B4GALT5: variants seen among roughly 807,000 people sequenced by gnomAD.
B4GALT5 encodes beta-1,4-galactosyltransferase 5, also known as UDP-Gal:beta-GlcNAc beta-1,4-galactosyltransferase 5.
B4GALT5 carries 11 observed loss-of-function variants against 45.0 expected under a neutral mutation model. The ratio of observed to expected loss-of-function variants is 0.24; its 90% CI spans 0.15 to 0.40. The LOEUF is 0.40. Ranked by LOEUF, B4GALT5 falls within the 10% of genes least tolerant of loss-of-function variation. The probability of loss-of-function intolerance (pLI) is 1.00; values close to 1 mark genes in which losing one functional copy is unlikely to be tolerated. For synonymous variants in B4GALT5, 185 were observed against 182.9 expected (o/e 1.01, Z -0.09); for missense variants, 337 against 500.2 (o/e 0.67, Z 3.11).
chr20:49,673,630 T>C (rs953034288), intron 1 of B4GALT5, among the ~76,000 whole-genome samples: 6 of 152,210 alleles, frequency 3.9e-5, no homozygotes, highest in African/African-American at 1.4e-4. Flanking sequence ...GAAAGTATTA[T>C]GATCACTTCT....
At position 49,666,055 on chromosome 20, in the gene B4GALT5, G is replaced by T. The variant is rs188832390; in HGVS notation, c.116-9353C>A. 1.2e-4 allele frequency among the ~76,000 whole-genome samples: 19 copies of T among 152,280 alleles called. No homozygotes were observed. The East Asian group carries it at 3.7e-3, about 29-fold the overall frequency. On this transcript the variant is annotated intron_variant, in intron 1 of 8. Transcript: ENST00000371711. ...GAAACGGTCCAGGATTGGATTTCCA[G>T]TGGGCCAATGAGTAGGTATCAATCG...
intron 3 of B4GALT5, 106 bp from the exon 4 acceptor site, chr20:49,643,756 G>GTT: frequency 7.7e-7 from 1 of 1,303,180 alleles, no homozygotes; most frequent in South Asian, 1.6e-5. Context: ...AGCTGAATTT[G>GTT]TTTTTAGCAA....
At chr20:49,693,236 G>A (rs1466083536) in intron 1 of B4GALT5, among the ~76,000 whole-genome samples, 1 of 152,210 alleles carries the variant, frequency 6.6e-6, no homozygotes. Flanking sequence ...ACACATCTGA[G>A]ATTATAATCT....
At position 49,640,522 on chromosome 20, in the gene B4GALT5, C is replaced by T; in HGVS notation, c.750G>A (p.Gln250=). ...ESDRNYYGCG[Q]MPRHFATKLD... is the part of the protein sequence containing the mutation. ...ATTTGGTTGCAAAATGCCTCGGCAT[C>T]TGTCCACATCCATAATAGTTGCGAT... Residue 250 remains glutamine (Q), a synonymous_variant, in exon 6 of 9, where the codon CAG becomes CAA. Transcript: ENST00000371711. The T allele has an allele frequency of 6.2e-7, 1 of 1,611,876 alleles. No individual in the cohort carries two copies. Among genetic ancestry groups the T allele is most frequent in the Non-Finnish European group, 8.5e-7 (1 of 1,179,408 alleles).
intron 1 of B4GALT5, among the ~76,000 whole-genome samples, chr20:49,675,357 T>C (rs2085732915): frequency 6.6e-6 from 1 of 152,148 alleles, no homozygotes; most frequent in African/African-American, 2.4e-5. Flanking sequence ...GCAACAAATA[T>C]TAAATTATGG....
rs1441467833 is a variant in B4GALT5, at chr20:49,697,994, A to T, written c.115+15582T>A. Among the ~76,000 whole-genome samples the T allele has an allele frequency of 2.0e-5, 3 of 152,188 alleles. No individual in the cohort carries two copies. The East Asian group carries it at 5.8e-4, about 29-fold the overall frequency. On this transcript the variant is annotated intron_variant, in intron 1 of 8. Coordinates refer to ENST00000371711, the MANE Select transcript of B4GALT5 (RefSeq NM_004776.4). ...AAAATTACTTTTGTTCATGGGGTCC[A>T]TTATACTGTACTATTAAGTTTACTT...
At chr20:49,705,157 A>T (rs2085878855) in intron 1 of B4GALT5, among the ~76,000 whole-genome samples, 2 of 152,196 alleles carry the variant, frequency 1.3e-5, no homozygotes, top group African/African-American at 4.8e-5. Flanking sequence ...TCCAAATGCA[A>T]TATTCATTTT....
At chr20:49,639,449 G>A (rs897245477) in intron 7 of B4GALT5, among the ~76,000 whole-genome samples, 4 of 151,954 alleles carry the variant, frequency 2.6e-5, no homozygotes, top group African/African-American at 4.8e-5. Context: ...CTGTGGCCTC[G>A]AACTCCCGGG....
chr20:49,698,693 C>T (rs2085849391), intron 1 of B4GALT5, among the ~76,000 whole-genome samples: 1 of 152,142 alleles, frequency 6.6e-6, no homozygotes. Flanking sequence ...CACACACCTC[C>T]TAGTCATCCA....
chr20:49,678,065 C>A (rs1458224031), intron 1 of B4GALT5, among the ~76,000 whole-genome samples: 1 of 152,194 alleles, frequency 6.6e-6, no homozygotes, highest in Non-Finnish European at 1.5e-5. Flanking sequence ...TCTTTTAAAT[C>A]TTGTTAGCAT....
chr20:49,654,820 T>C (rs898698881), intron 2 of B4GALT5, among the ~76,000 whole-genome samples: 2 of 152,096 alleles, frequency 1.3e-5, no homozygotes, highest in East Asian at 1.9e-4. Context: ...TAAGAAGCCA[T>C]AGGAGGCTGG....
intron 1 of B4GALT5, among the ~76,000 whole-genome samples, chr20:49,662,754 A>G (rs566939227): frequency 6.6e-6 from 1 of 152,360 alleles, no homozygotes; most frequent in East Asian, 1.9e-4. Context: ...CATTCCTCAT[A>G]AAGCTTTTAA....
chr20:49,711,172 T>G (rs1341924041), intron 1 of B4GALT5, among the ~76,000 whole-genome samples: 4 of 152,098 alleles, frequency 2.6e-5, no homozygotes, highest in African/African-American at 9.7e-5. Context: ...CGAACAAAAT[T>G]TCCATCCTAA....
chr20:49,646,558 G>A lies in B4GALT5; in HGVS notation c.364+407C>T, dbSNP rs545417584. 3.3e-5 allele frequency among the ~76,000 whole-genome samples: 5 copies of A among 152,286 alleles called. No homozygotes were observed. In the South Asian group the frequency reaches 1.0e-3, roughly 32 times the overall value. On this transcript the variant is annotated intron_variant, in intron 3 of 8. Coordinates refer to ENST00000371711, the MANE Select transcript of B4GALT5 (RefSeq NM_004776.4). ...CAATAGGCCATACCATACAGCCTAG[G>A]GGTGTCGCAGGCTACACCATCTAGA... is the stretch of plus-strand genomic sequence containing the variant.
chr20:49,701,942 G>T (rs1221733239), intron 1 of B4GALT5, among the ~76,000 whole-genome samples: 1 of 152,152 alleles, frequency 6.6e-6, no homozygotes, highest in African/African-American at 2.4e-5. Context: ...GCATGCGCCT[G>T]TAACCCCAGC....
intron 1 of B4GALT5, among the ~76,000 whole-genome samples, chr20:49,689,308 A>C (rs1189318609): frequency 6.6e-6 from 1 of 152,222 alleles, no homozygotes; most frequent in Non-Finnish European, 1.5e-5. Context: ...AGGATGAAGA[A>C]CCTGATAATT....
intron 1 of B4GALT5, among the ~76,000 whole-genome samples, chr20:49,687,501 G>A (rs2085791357): frequency 6.6e-6 from 1 of 151,982 alleles, no homozygotes; most frequent in Admixed American, 6.6e-5. Context: ...AAAATTAGCC[G>A]GGTGTGGTGG....
intron 1 of B4GALT5, among the ~76,000 whole-genome samples, chr20:49,679,170 A>G (rs1000750421): frequency 7.2e-5 from 11 of 152,216 alleles, no homozygotes; most frequent in African/African-American, 2.7e-4. Context: ...AGTCTACTGG[A>G]AACCAGACTG....
intron 8 of B4GALT5, 41 bp downstream of exon 8, chr20:49,637,300 A>G: frequency 1.3e-6 from 2 of 1,532,656 alleles, no homozygotes; most frequent in Non-Finnish European, 1.8e-6. Flanking sequence ...ACATGAAAGT[A>G]TAGGGGATAC....
Sources: allele counts gnomAD v4.1 joint callset (sites outside exome capture counted in the v4.1 genomes callset), GRCh38; gene constraint gnomAD v4.1.1; transcripts MANE v1.5; gene names NCBI Gene and HGNC (gene_info 2026-07-23, HGNC 2026-07-21).